Variants in KCNJ6 observed in about 807,000 individuals in gnomAD.
The protein encoded by KCNJ6 is potassium inwardly rectifying channel subfamily J member 6.
Under a neutral mutation model 34.2 loss-of-function variants are expected in KCNJ6, and 9 were observed. That is an observed-to-expected ratio of 0.26 (90% CI 0.16 to 0.46). The LOEUF is 0.46. Ranked by LOEUF, KCNJ6 falls within the 20% of genes least tolerant of loss-of-function variation. KCNJ6 has a pLI of 1.00. For synonymous variants in KCNJ6, 196 were observed against 207.1 expected, an observed-to-expected ratio of 0.95 and a Z score of 0.46; for missense variants, 236 against 531.3, an observed-to-expected ratio of 0.44 and a Z score of 5.46.
intron 1 of KCNJ6, among the ~76,000 whole-genome samples, chr21:37,844,865 G>A (rs901995746): frequency 1.3e-5 from 2 of 152,148 alleles, no homozygotes; most frequent in African/African-American, 4.8e-5. Context: ...ATGGCATTGA[G>A]GGACTCTGGA....
chr21:37,773,936 C>G (rs191997826), intron 2 of KCNJ6, among the ~76,000 whole-genome samples: 2 of 152,108 alleles, frequency 1.3e-5, no homozygotes, highest in African/African-American at 4.8e-5. Flanking sequence ...CTCATGACCC[C>G]GTATTTCCTC....
intron 3 of KCNJ6, among the ~76,000 whole-genome samples, chr21:37,647,340 G>A (rs962240804): frequency 1.8e-4 from 27 of 152,106 alleles, no homozygotes; most frequent in African/African-American, 6.3e-4. Context: ...GAGTAGGGTC[G>A]GGATGGAGGG....
intron 3 of KCNJ6, among the ~76,000 whole-genome samples, chr21:37,650,047 A>G (rs554391258): frequency 4.0e-5 from 6 of 151,870 alleles, no homozygotes; most frequent in South Asian, 2.1e-4. Flanking sequence ...ACAGGTGTGA[A>G]CCACCGCGCC....
chr21:37,898,908 T>C (rs952040664), intron 1 of KCNJ6, among the ~76,000 whole-genome samples: 2 of 152,260 alleles, frequency 1.3e-5, no homozygotes, highest in African/African-American at 4.8e-5. Context: ...TTGTTTATGA[T>C]GATGACCCTC....
chr21:37,858,790 C>A (rs764164), intron 1 of KCNJ6, among the ~76,000 whole-genome samples: 5 of 151,818 alleles, frequency 3.3e-5, no homozygotes, highest in African/African-American at 1.2e-4. Context: ...TTGAAGATAT[C>A]ATAAAGGGAG....
chr21:37,824,166 G>T (rs1052211732), intron 2 of KCNJ6, among the ~76,000 whole-genome samples: 2 of 152,182 alleles, frequency 1.3e-5, no homozygotes, highest in African/African-American at 4.8e-5. Flanking sequence ...GCATATTTTT[G>T]TTCTGGTTAA....
intron 2 of KCNJ6, among the ~76,000 whole-genome samples, chr21:37,778,472 T>C (rs2055153241): frequency 6.6e-6 from 1 of 152,198 alleles, no homozygotes; most frequent in Non-Finnish European, 1.5e-5. Context: ...TCCAATTTTA[T>C]AGAATGAACT....
chr21:37,691,290 T>C (rs909861675), intron 3 of KCNJ6, among the ~76,000 whole-genome samples: 1 of 152,166 alleles, frequency 6.6e-6, no homozygotes, highest in Non-Finnish European at 1.5e-5. Context: ...TCAGGACCTC[T>C]AAGGATTCCC....
intron 1 of KCNJ6, among the ~76,000 whole-genome samples, chr21:37,914,339 G>C (rs567677433): frequency 1.3e-5 from 2 of 152,298 alleles, no homozygotes; most frequent in Admixed American, 6.5e-5. Flanking sequence ...AGACAGGTGA[G>C]GCTTCACCCT....
intron 2 of KCNJ6, among the ~76,000 whole-genome samples, chr21:37,813,858 G>A (rs2055333968): frequency 6.6e-6 from 1 of 152,128 alleles, no homozygotes; most frequent in Non-Finnish European, 1.5e-5. Flanking sequence ...AATTTCTTGA[G>A]TAATACCCTA....
At chr21:37,910,580 T>G (rs949908038) in intron 1 of KCNJ6, among the ~76,000 whole-genome samples, 5 of 152,184 alleles carry the variant, frequency 3.3e-5, no homozygotes, top group Admixed American at 3.3e-4. Flanking sequence ...TGGTTCCTTT[T>G]GTAAGGATTT....
intron 2 of KCNJ6, among the ~76,000 whole-genome samples, chr21:37,759,786 CAG>C (rs1180135641): frequency 6.6e-6 from 1 of 152,238 alleles, no homozygotes; most frequent in African/African-American, 2.4e-5. Context: ...CTTCCAAAGG[CAG>C]AGTGTCATTC....
intron 2 of KCNJ6, among the ~76,000 whole-genome samples, chr21:37,737,070 C>T (rs1399606322): frequency 6.6e-6 from 1 of 152,056 alleles, no homozygotes; most frequent in Non-Finnish European, 1.5e-5. Context: ...ATGTTCTTTT[C>T]CTGTGTTGTA....
At chr21:37,642,551 G>A (rs1028264714) in intron 3 of KCNJ6, among the ~76,000 whole-genome samples, 6 of 152,202 alleles carry the variant, frequency 3.9e-5, no homozygotes, top group African/African-American at 1.2e-4. Context: ...AGTGTTTGAG[G>A]TGAGGAGGTG....
chr21:37,828,991 G>A (rs2055412305), intron 2 of KCNJ6, among the ~76,000 whole-genome samples: 1 of 152,242 alleles, frequency 6.6e-6, no homozygotes, highest in Non-Finnish European at 1.5e-5. Flanking sequence ...TGCAGGGAAA[G>A]GCTGGCACCC....
chr21:37,613,378 CTG>C lies in KCNJ6; in HGVS notation c.*11779_*11780del. The stretch of plus-strand genomic sequence containing the variant: ...ACAGCCACTTTGGAAGGCAGTTTGG[CTG>C]TGTCTTGCAAGACTAAATATAGCTT... On this transcript the variant is annotated 3_prime_UTR_variant, in exon 4 of 4. Coordinates refer to ENST00000609713, the MANE Select transcript of KCNJ6 (RefSeq NM_002240.5). 1 of 152,494 alleles carries C rather than the reference CTG, an allele frequency of 6.6e-6. No homozygotes were observed. Among genetic ancestry groups the C allele is most frequent in the South Asian group, 2.1e-4 (1 of 4,836 alleles). The allele number at this position is 152,494 out of a possible 1,614,324, so 9.4% of individuals were successfully genotyped here. A position where few individuals can be genotyped will look rare whatever the true frequency, so the allele number is the denominator to read the frequency against.
chr21:37,896,703 C>A (rs1913475929), intron 1 of KCNJ6, among the ~76,000 whole-genome samples: 2 of 152,070 alleles, frequency 1.3e-5, no homozygotes, highest in African/African-American at 2.4e-5. Context: ...TCATGGAAGC[C>A]TTGTAGGAAC....
chr21:37,609,568 A>G lies in KCNJ6; in HGVS notation c.*15591T>C, dbSNP rs997898907. On this transcript the variant is annotated 3_prime_UTR_variant, in exon 4 of 4. Coordinates refer to ENST00000609713, the MANE Select transcript of KCNJ6 (RefSeq NM_002240.5). Reference sequence around the variant, plus strand: ...CATTTTATTAGGAAAGACAAATACAATGAATTATCTTATGATTAATAATGA... The same window carrying G: ...CATTTTATTAGGAAAGACAAATACAGTGAATTATCTTATGATTAATAATGA... 1.3e-5 allele frequency: 2 copies of G among 152,234 alleles called. No individual in the cohort carries two copies. The highest frequency in any genetic ancestry group is 4.8e-5 in the African/African-American group (2 of 41,460). 9.4% of individuals were successfully genotyped at this position (152,234 alleles called of 1,614,324 possible).
In KCNJ6 at chr21:37,776,631, G is replaced by C. The variant is rs371093570; in HGVS notation, c.26-61500C>G. ...TCACGTGGTTTTTGTCATTGGTTCT[G>C]TTTATATGCTGGATTACGTTCATTG... On this transcript the variant is annotated intron_variant, in intron 2 of 3. Transcript: ENST00000609713. 1.3e-3 allele frequency among the ~76,000 whole-genome samples: 201 copies of C among 152,284 alleles called. 4 individuals carry two copies. In the South Asian group the frequency reaches 0.04, roughly 30 times the overall value.
Sources: gnomAD v4.1 joint callset for allele counts (sites outside exome capture counted in the v4.1 genomes callset) on GRCh38, gnomAD v4.1.1 for gene constraint, MANE v1.5 for transcripts, NCBI Gene and HGNC (gene_info 2026-07-23, HGNC 2026-07-21) for gene names.